Variants in MAP3K7 observed in about 807,000 individuals in gnomAD.
The protein encoded by MAP3K7 is TGF-beta activated kinase 1.
A neutral mutation model predicts 84.8 loss-of-function variants in MAP3K7; 21 were observed. The observed-to-expected ratio is 0.25, with a 90% CI of 0.18 to 0.36. The LOEUF is 0.36. Ranked by LOEUF, MAP3K7 falls within the 10% of genes least tolerant of loss-of-function variation. The pLI, the probability that MAP3K7 is intolerant of heterozygous loss-of-function variation, is 1.00. For missense variants in MAP3K7, 503 were observed against 747.7 expected, an observed-to-expected ratio of 0.67 and a Z score of 3.82; for synonymous variants, 241 against 247.7, an observed-to-expected ratio of 0.97 and a Z score of 0.25.
At chr6:90,574,075 C>G (rs1227362321) in intron 1 of MAP3K7, among the ~76,000 whole-genome samples, 1 of 152,168 alleles carries the variant, frequency 6.6e-6, no homozygotes, top group Admixed American at 6.5e-5. Flanking sequence ...GCTCTGTCTA[C>G]CTATTATCTC....
chr6:90,535,617 AAC>A lies in MAP3K7; in HGVS notation c.1356+718_1356+719del, dbSNP rs897947757. ...ATATGTCAAGTGTATTAATCTGAGTAACACAGAAAAAACAATGACTGAGCTAC... is the reference window on the plus strand; with the variant it reads ...ATATGTCAAGTGTATTAATCTGAGTAACAGAAAAAACAATGACTGAGCTAC... On this transcript the variant is annotated intron_variant, in intron 13 of 16. Transcript: ENST00000369329. Among the ~76,000 whole-genome samples, 5 of 152,194 alleles carry A rather than the reference AAC, an allele frequency of 3.3e-5. No individual in the cohort carries two copies. The East Asian group carries it at 7.7e-4, about 23-fold the overall frequency.
At chr6:90,542,210 A>C in intron 12 of MAP3K7, 2 of 981,740 alleles carry the variant, frequency 2.0e-6, no homozygotes, top group Non-Finnish European at 2.4e-6. Context: ...ATATTCCCAA[A>C]GGATGGGCGG....
chr6:90,583,381 G>T (rs916371491), intron 1 of MAP3K7, among the ~76,000 whole-genome samples: 2 of 152,208 alleles, frequency 1.3e-5, no homozygotes, highest in African/African-American at 4.8e-5. Flanking sequence ...CAAGTGAGAA[G>T]TCTCATATTC....
chr6:90,554,248 T>A (rs927697626), intron 6 of MAP3K7, among the ~76,000 whole-genome samples: 1 of 152,218 alleles, frequency 6.6e-6, no homozygotes, highest in Non-Finnish European at 1.5e-5. Context: ...CTTCCCACTC[T>A]GACAGACAGC....
chr6:90,547,722 ATAGACT>A (rs1424780403), intron 10 of MAP3K7, among the ~76,000 whole-genome samples: 10 of 152,226 alleles, frequency 6.6e-5, no homozygotes, highest in Admixed American at 6.5e-4. Context: ...GCATGAAATG[ATAGACT>A]TAGAACAACT....
At chr6:90,563,505 A>C (rs1313334895) in intron 3 of MAP3K7, among the ~76,000 whole-genome samples, 1 of 152,218 alleles carries the variant, frequency 6.6e-6, no homozygotes, top group African/African-American at 2.4e-5. Context: ...GAAATGAAGC[A>C]AGAAGAGAAG....
chr6:90,550,578 A>G (rs1776149608), intron 8 of MAP3K7, 29 bp from the exon 9 acceptor site: 1 of 1,396,730 alleles, frequency 7.2e-7, no homozygotes, highest in East Asian at 2.3e-5. Flanking sequence ...ACCACAGCTT[A>G]AAATTTCCTT....
At chr6:90,567,412 C>A (rs910373365) in intron 3 of MAP3K7, among the ~76,000 whole-genome samples, 1 of 152,178 alleles carries the variant, frequency 6.6e-6, no homozygotes, top group Non-Finnish European at 1.5e-5. Context: ...AGGATATGAA[C>A]AGACACTTCT....
At chr6:90,558,807 T>C (rs1173241974) in intron 5 of MAP3K7, among the ~76,000 whole-genome samples, 1 of 152,226 alleles carries the variant, frequency 6.6e-6, no homozygotes, top group Non-Finnish European at 1.5e-5. Context: ...AACTAATCAT[T>C]TATTCCAAAG....
rs553880076 is a variant in MAP3K7 at position 90,584,234 on chromosome 6, T to G, written c.120+2530A>C. Among the ~76,000 whole-genome samples the G allele has an allele frequency of 3.6e-4, 55 of 152,290 alleles. No individual in the cohort carries two copies. In the South Asian group the frequency reaches 7.7e-3, roughly 21 times the overall value. On this transcript the variant is annotated intron_variant, in intron 1 of 16. Transcript: ENST00000369329. ...TTACAATTGAACTGGAAGTGTAATCTAAGTTGACAAATAGCTAATAAGTGT... is the reference window on the plus strand; with the variant it reads ...TTACAATTGAACTGGAAGTGTAATCGAAGTTGACAAATAGCTAATAAGTGT...
At chr6:90,530,184 C>T (rs1405534046) in intron 13 of MAP3K7, among the ~76,000 whole-genome samples, 4 of 152,060 alleles carry the variant, frequency 2.6e-5, no homozygotes, top group African/African-American at 9.7e-5. Context: ...GGTGGCAGAC[C>T]AGGGTTTCAG....
chr6:90,540,522 C>T (rs157692), intron 12 of MAP3K7, among the ~76,000 whole-genome samples: 99,760 of 151,738 alleles, frequency 0.66, 33,081 homozygotes, highest in Middle Eastern at 0.74. Flanking sequence ...GCAATCAAGC[C>T]GGTATGAACC....
In MAP3K7 at chr6:90,514,395, G is replaced by C. The variant is rs750957589; in HGVS notation, c.*2106C>G. On this transcript the variant is annotated 3_prime_UTR_variant, in exon 17 of 17. Transcript: ENST00000369329. ...GTACTCAATGTCCAGGGCAACTACAGTACTGAAAATCTCAAGGAACTTACT... is the reference window on the plus strand; with the variant it reads ...GTACTCAATGTCCAGGGCAACTACACTACTGAAAATCTCAAGGAACTTACT... 1 of 151,978 alleles carries C rather than the reference G, an allele frequency of 6.6e-6. No homozygotes were observed. Among genetic ancestry groups the C allele is most frequent in the Non-Finnish European group, 1.5e-5 (1 of 67,964 alleles). The allele number at this position is 151,978 out of a possible 1,614,324, so 9.4% of individuals were successfully genotyped here.
chr6:90,516,717 GA>G, intron 16 of MAP3K7, 36 bp from the exon 17 acceptor site: 3 of 1,520,178 alleles, frequency 2.0e-6, no homozygotes, highest in Non-Finnish European at 2.7e-6. Flanking sequence ...ACACATGATG[GA>G]AAAATTCATA....
intron 1 of MAP3K7, among the ~76,000 whole-genome samples, chr6:90,585,564 C>G (rs150224606): frequency 3.9e-4 from 59 of 150,292 alleles, no homozygotes; most frequent in African/African-American, 7.0e-4. Context: ...TATTTTCAAC[C>G]AAAGTTTTTA....
chr6:90,526,395 T>C (rs1775323201), intron 13 of MAP3K7, among the ~76,000 whole-genome samples: 1 of 152,186 alleles, frequency 6.6e-6, no homozygotes, highest in South Asian at 2.1e-4. Flanking sequence ...ATAACTTAAT[T>C]ACTTTTTATA....
At position 90,540,105 on chromosome 6, in the gene MAP3K7, C is replaced by T. The variant is rs554065102; in HGVS notation, c.1292-3704G>A. Among the ~76,000 whole-genome samples, 12 of 151,976 alleles carry T rather than the reference C, an allele frequency of 7.9e-5. 1 individual carries two copies. The South Asian group carries it at 2.3e-3, about 29-fold the overall frequency. On this transcript the variant is annotated intron_variant, in intron 12 of 16. Coordinates refer to ENST00000369329, the MANE Select transcript of MAP3K7 (RefSeq NM_145331.3). ...AAATATCAATTAAGTTCAGGTTCTTCAGGAAACTAGGCAAAAATCTTATCT... is the reference window on the plus strand; with the variant it reads ...AAATATCAATTAAGTTCAGGTTCTTTAGGAAACTAGGCAAAAATCTTATCT...
chr6:90,555,790 C>A (rs935325997), intron 6 of MAP3K7, among the ~76,000 whole-genome samples: 1 of 152,086 alleles, frequency 6.6e-6, no homozygotes, highest in African/African-American at 2.4e-5. Context: ...AATATATAGC[C>A]TTGTTTCATG....
chr6:90,554,404 A>C (rs1450498110), intron 6 of MAP3K7, among the ~76,000 whole-genome samples: 1 of 152,226 alleles, frequency 6.6e-6, no homozygotes, highest in East Asian at 1.9e-4. Flanking sequence ...GTTACACAGC[A>C]AAATTTACAA....
Sources: gnomAD v4.1 joint callset for allele counts (sites outside exome capture counted in the v4.1 genomes callset) on GRCh38, gnomAD v4.1.1 for gene constraint, MANE v1.5 for transcripts, NCBI Gene and HGNC (gene_info 2026-07-23, HGNC 2026-07-21) for gene names.